The following ARHGAP5 variants were observed in gnomAD, a reference collection of about 807,000 sequenced individuals.
ARHGAP5 encodes rho GTPase-activating protein 5.
ARHGAP5 carries 23 observed loss-of-function variants against 116.6 expected under a neutral mutation model. That is an observed-to-expected ratio of 0.20 (90% confidence interval 0.14 to 0.28). ARHGAP5 has a LOEUF of 0.28. ARHGAP5 is among the 10% of genes least tolerant of loss of function. ARHGAP5 has a pLI of 1.00. For missense variants in ARHGAP5, 1,405 were observed against 1,774.8 expected (o/e 0.79, Z 3.74); for synonymous variants, 574 against 602.0 (o/e 0.95, Z 0.68).
chr14:32,116,974 G>A (rs1879637048), intron 2 of ARHGAP5, among the ~76,000 whole-genome samples, 166 bp from the exon 3 acceptor site: 1 of 151,976 alleles, frequency 6.6e-6, no homozygotes, highest in South Asian at 2.1e-4. Context: ...CTCCAATCAA[G>A]TTGCTACTTC....
At chr14:32,126,350 T>C (rs1345314848) in intron 3 of ARHGAP5, among the ~76,000 whole-genome samples, 1 of 152,174 alleles carries the variant, frequency 6.6e-6, no homozygotes, top group African/African-American at 2.4e-5. Context: ...GCCTCTTTCT[T>C]GCTTCTGGTG....
chr14:32,121,360 G>A (rs1463085880), intron 3 of ARHGAP5, among the ~76,000 whole-genome samples: 1 of 151,938 alleles, frequency 6.6e-6, no homozygotes, highest in Non-Finnish European at 1.5e-5. Flanking sequence ...ATGCTTTTAT[G>A]TATCTTCATT....
chr14:32,147,347 T>C (rs1881425064), intron 4 of ARHGAP5, among the ~76,000 whole-genome samples: 1 of 152,186 alleles, frequency 6.6e-6, no homozygotes, highest in African/African-American at 2.4e-5. Flanking sequence ...GGGTGTGACA[T>C]ACCTAGCTTA....
Position 32,152,457 on chromosome 14 carries a change from G to C in ARHGAP5, c.4110G>C (p.Leu1370Phe), listed in dbSNP as rs1346199710. 1 of 1,607,376 alleles carries C rather than the reference G, an allele frequency of 6.2e-7. No individual in the cohort carries two copies. Among genetic ancestry groups the C allele is most frequent in the Admixed American group, 1.7e-5 (1 of 58,630 alleles). ...IPDKTERLHA[L>F]KEIVKKFHPV... Reference sequence around the variant, plus strand: ...ATAAAACAGAACGTCTTCATGCCTTGAAAGAAATTGTTAAGAAATTTCATC... The same window carrying C: ...ATAAAACAGAACGTCTTCATGCCTTCAAAGAAATTGTTAAGAAATTTCATC... The change falls in exon 6 of 7, where the codon TTG becomes TTC. Residue 1370 changes from leucine (L) to phenylalanine (F), a missense_variant. Physicochemically the swap from Leu to Phe is conservative, Grantham distance 22. Around this residue, in one of 6 missense-constraint regions of ARHGAP5, gnomAD observed 176 missense variants for 221.2 expected, o/e 0.80. Transcript: ENST00000345122.
intron 2 of ARHGAP5, among the ~76,000 whole-genome samples, 158 bp from the exon 3 acceptor site, chr14:32,116,982 T>G (rs992238479): frequency 2.0e-5 from 3 of 152,210 alleles, no homozygotes; most frequent in African/African-American, 7.2e-5. Context: ...AAGTTGCTAC[T>G]TCTGGCAAAA....
At chr14:32,140,379 A>C (rs976768649) in intron 3 of ARHGAP5, among the ~76,000 whole-genome samples, 1 of 151,702 alleles carries the variant, frequency 6.6e-6, no homozygotes, top group African/African-American at 2.4e-5. Flanking sequence ...CAGGAGATCA[A>C]GACCATCCTG....
rs1194341997 is a variant in ARHGAP5 at position 32,094,209 on chromosome 14, T to C, written c.3540T>C (p.Ala1180=). The C allele has an allele frequency of 1.2e-6, 2 of 1,612,842 alleles. No individual in the cohort carries two copies. Among genetic ancestry groups the C allele is most frequent in the Non-Finnish European group, 1.7e-6 (2 of 1,179,846 alleles). Residue 1180 remains alanine (A), a synonymous_variant, in exon 2 of 7, where the codon GCT becomes GCC. Coordinates refer to ENST00000345122, the MANE Select transcript of ARHGAP5 (RefSeq NM_001030055.2). ...ATTCAGATGCCAGTGATGATGAGGCTTTCACCACTTCTAAAACAAAAAGAA... is the reference window on the plus strand; with the variant it reads ...ATTCAGATGCCAGTGATGATGAGGCCTTCACCACTTCTAAAACAAAAAGAA... ...RTHSDASDDE[A]FTTSKTKRKG... is the part of the protein sequence containing the mutation.
Position 32,157,387 on chromosome 14 carries a change from A to G in ARHGAP5, c.*2439A>G, listed in dbSNP as rs1249602760. On this transcript the variant is annotated 3_prime_UTR_variant, in exon 7 of 7. Coordinates refer to ENST00000345122, the MANE Select transcript of ARHGAP5 (RefSeq NM_001030055.2). ...ATATGAGACTTCTTAAAGGATTAAA[A>G]GAATAGGATAGTCTCATAATTGTGA... 1 of 152,330 alleles carries G rather than the reference A, an allele frequency of 6.6e-6. No homozygotes were observed. The highest frequency in any genetic ancestry group is 1.5e-5 in the Non-Finnish European group (1 of 67,760). The allele number at this position is 152,330 out of a possible 1,614,324, so 9.4% of individuals were successfully genotyped here. A position where few individuals can be genotyped will look rare whatever the true frequency, so the allele number is the denominator to read the frequency against.
rs547985608 is a variant in ARHGAP5, at chr14:32,089,975, G to A, written c.-168-527G>A. Among the ~76,000 whole-genome samples the A allele has an allele frequency of 2.6e-5, 4 of 151,750 alleles. No individual in the cohort carries two copies. The South Asian group carries it at 8.3e-4, about 32-fold the overall frequency. ...AACATTTGGTAGATTTTTTAAAAAA[G>A]ACTTGAAATTTATTGCAAAAAATTT... On this transcript the variant is annotated intron_variant, in intron 1 of 6. Coordinates refer to ENST00000345122, the MANE Select transcript of ARHGAP5 (RefSeq NM_001030055.2).
intron 3 of ARHGAP5, among the ~76,000 whole-genome samples, chr14:32,140,825 T>G (rs533116125): frequency 2.5e-4 from 38 of 152,302 alleles, no homozygotes; most frequent in African/African-American, 8.4e-4. Flanking sequence ...TTCTGTGTGT[T>G]TGTTTGGTCT....
intron 4 of ARHGAP5, among the ~76,000 whole-genome samples, chr14:32,148,163 A>ATATCTATCT (rs1555359597): frequency 1.1e-4 from 16 of 147,438 alleles, no homozygotes; most frequent in African/African-American, 3.8e-4. Flanking sequence ...AAAAAAAAGA[A>ATATCTATCT]ATCTATCTAT....
rs1878334396 is a variant in ARHGAP5 at position 32,092,872 on chromosome 14, G to A, written c.2203G>A (p.Gly735Ser). Reference protein sequence around the residue: ...LQCPFVDVPAGTYPRKFNETQ... With the variant: ...LQCPFVDVPASTYPRKFNETQ... ...ATGTCCTTTTGTAGATGTACCTGCTGGTACATATCCTCGTAAATTTAATGA... is the reference window on the plus strand; with the variant it reads ...ATGTCCTTTTGTAGATGTACCTGCTAGTACATATCCTCGTAAATTTAATGA... The change falls in exon 2 of 7, where the codon GGT (glycine) becomes AGT (serine). Residue 735 changes from glycine to serine, a missense_variant. Gly to Ser is a moderately conservative substitution (Grantham distance 56). This residue lies in a region of ARHGAP5 where 944 missense variants were observed against 1,095.3 expected (regional missense o/e 0.86). Coordinates refer to ENST00000345122, the MANE Select transcript of ARHGAP5 (RefSeq NM_001030055.2). This position sits in a 1 kb window ranked among gnomAD's most constrained non-coding sequence, Gnocchi z 4.1. The A allele has an allele frequency of 3.1e-6, 5 of 1,613,966 alleles. No individual in the cohort carries two copies. The highest frequency in any genetic ancestry group is 3.3e-5 in the Admixed American group (2 of 59,990).
chr14:32,149,852 T>C lies in ARHGAP5; in HGVS notation c.3944-50T>C, dbSNP rs891463316. 8 of 1,127,210 alleles carry C rather than the reference T, an allele frequency of 7.1e-6. No individual in the cohort carries two copies. The African/African-American group carries it at 8.2e-5, about 12-fold the overall frequency. 69.8% of individuals were successfully genotyped at this position (1,127,210 alleles called of 1,614,324 possible). The stretch of plus-strand genomic sequence containing the variant: ...TAAAAGTAACCATTTAGCTTGCTTC[T>C]ATAATAAAGTTTTATTATATAATTT... On this transcript the variant is annotated intron_variant, in intron 4 of 6. Transcript: ENST00000345122.
chr14:32,154,470 G>A (rs1029783742), intron 6 of ARHGAP5, 151 bp from the exon 7 acceptor site: 15 of 710,216 alleles, frequency 2.1e-5, no homozygotes, highest in East Asian at 2.7e-5. Context: ...TTTTACATAC[G>A]AATTAAAGAT....
chr14:32,129,026 T>A (rs1450697810), intron 3 of ARHGAP5, among the ~76,000 whole-genome samples: 2 of 152,252 alleles, frequency 1.3e-5, no homozygotes, highest in Non-Finnish European at 2.9e-5. Context: ...TTTTTAGTTT[T>A]TCAGCCTCCT....
In ARHGAP5 at chr14:32,156,431, C is replaced by CTAA. The variant is rs1443030675; in HGVS notation, c.*1484_*1485insAAT. 1 of 152,348 alleles carries CTAA rather than the reference C, an allele frequency of 6.6e-6. No homozygotes were observed. The highest frequency in any genetic ancestry group is 1.9e-4 in the East Asian group (1 of 5,186). The allele number at this position is 152,348 out of a possible 1,614,324, so 9.4% of individuals were successfully genotyped here. A position where few individuals can be genotyped will look rare whatever the true frequency, so the allele number is the denominator to read the frequency against. ...CTAAAATAAATATTGTCTCTCCCAACTGTTAAGTTCTAGGTATTGTACTTC... is the reference window on the plus strand; with the variant it reads ...CTAAAATAAATATTGTCTCTCCCAACTAATGTTAAGTTCTAGGTATTGTACTTC... On this transcript the variant is annotated 3_prime_UTR_variant, in exon 7 of 7. Transcript: ENST00000345122.
At chr14:32,153,473 AG>A (rs1408926260) in intron 6 of ARHGAP5, among the ~76,000 whole-genome samples, 6 of 112,178 alleles carry the variant, frequency 5.3e-5, no homozygotes, top group African/African-American at 1.9e-4. Flanking sequence ...GCTAGCAGCC[AG>A]GTTTTTTTTT....
intron 3 of ARHGAP5, among the ~76,000 whole-genome samples, chr14:32,145,068 C>T (rs1297634193): frequency 6.6e-6 from 1 of 152,160 alleles, no homozygotes; most frequent in Non-Finnish European, 1.5e-5. Flanking sequence ...TTACTCAAAT[C>T]TATTTAAGCA....
In ARHGAP5 at chr14:32,149,809, TAAA is replaced by T. The variant is rs1428462505; in HGVS notation, c.3944-92_3944-90del. 2.8e-5 allele frequency: 21 copies of T among 740,106 alleles called. No homozygotes were observed. In the East Asian group the frequency reaches 7.7e-4, roughly 27 times the overall value. The allele number at this position is 740,106 out of a possible 1,614,324, so 45.8% of individuals were successfully genotyped here. On this transcript the variant is annotated intron_variant, in intron 4 of 6. Transcript: ENST00000345122. ...AGAAAAAGAAAAGTGGCCCAAGACT[TAAA>T]GTTATCTTTTGATCTAAAAGTAACC...
Sources: gnomAD v4.1 joint callset for allele counts (sites outside exome capture counted in the v4.1 genomes callset) on GRCh38, gnomAD v4.1.1 for gene constraint, gnomAD v4.1.1 regional missense constraint, Gnocchi (gnomAD v3.1) non-coding constraint, MANE v1.5 for transcripts, NCBI Gene and HGNC (gene_info 2026-07-23, HGNC 2026-07-21) for gene names.